IFFO1: variants seen among roughly 807,000 people sequenced by gnomAD.
IFFO1 encodes the protein intermediate filament family orphan 1, also known as non-homologous end joining factor IFFO1.
Under a neutral mutation model 59.6 loss-of-function variants are expected in IFFO1, and 42 were observed. The ratio of observed to expected loss-of-function variants is 0.70; its 90% CI spans 0.55 to 0.91. The LOEUF is 0.91. Ranked by LOEUF, IFFO1 falls within the 40% of genes least tolerant of loss-of-function variation. The pLI is 0.00. For synonymous variants in IFFO1, 336 were observed against 342.8 expected (o/e 0.98, Z 0.22); for missense variants, 711 against 793.2 (o/e 0.90, Z 1.24).
At chr12:6,545,861 C>G (rs1035099847) in intron 8 of IFFO1, among the ~76,000 whole-genome samples, 5 of 152,180 alleles carry the variant, frequency 3.3e-5, no homozygotes, top group Non-Finnish European at 7.3e-5. Context: ...TCAAGGAACC[C>G]TTATTTTTAC....
Position 6,549,754 on chromosome 12 carries a change from A to G in IFFO1, c.1071+2T>C. 1 of 1,612,138 alleles carries G rather than the reference A, an allele frequency of 6.2e-7. No homozygotes were observed. Among genetic ancestry groups the G allele is most frequent in the Non-Finnish European group, 8.5e-7 (1 of 1,178,452 alleles). On this transcript the variant is annotated splice_donor_variant, in intron 4 of 9. Transcript: ENST00000619571. LOFTEE classifies it high-confidence loss of function. This position sits in a 1 kb window ranked among gnomAD's most constrained non-coding sequence, Gnocchi z 5.0. ...GAGAGCAGAGGGCAGCTCCGTCCTC[A>G]CCTGGAACATCTGGATCATGTCCTC...
intron 8 of IFFO1, among the ~76,000 whole-genome samples, chr12:6,542,790 T>C (rs1321625043): frequency 6.6e-6 from 1 of 152,162 alleles, no homozygotes; most frequent in African/African-American, 2.4e-5. Flanking sequence ...CCAGCCCTTG[T>C]TCAGATCAGC....
intron 8 of IFFO1, chr12:6,543,633 T>A (rs2364508): frequency 0.21 from 32,263 of 152,564 alleles, 3,716 homozygotes; most frequent in Admixed American, 0.26. Context: ...GTGAGATGTA[T>A]AATTATTTCA....
Position 6,548,353 on chromosome 12 carries a change from G to A in IFFO1, c.1383+72C>T. On this transcript the variant is annotated intron_variant, in intron 7 of 9. Transcript: ENST00000619571. The surrounding 1 kb of genome is among the most constrained non-coding windows in gnomAD (Gnocchi z 6.1). ...GCCACATGGGGGGACAGAGCAAGGA[G>A]AGGAGCGGGGGAGTGGGCTTCAGGC... 6.5e-7 allele frequency: 1 copy of A among 1,539,750 alleles called. No homozygotes were observed. The highest frequency in any genetic ancestry group is 8.8e-7 in the Non-Finnish European group (1 of 1,132,274).
At chr12:6,552,205 TCTTC>T (rs1247498726) in intron 1 of IFFO1, among the ~76,000 whole-genome samples, 1 of 152,228 alleles carries the variant, frequency 6.6e-6, no homozygotes, top group Admixed American at 6.5e-5. Context: ...CTTCCCTCCA[TCTTC>T]CTTCCTGTGT....
rs750284593 is a variant in IFFO1, at chr12:6,548,789, C to T, written c.1141G>A (p.Ala381Thr). ...AGGGAGGTGTCCTCCTCGACGGCAG[C>T]CTTGCGCTCCCGCTTCCGCCCCCCC... is the stretch of plus-strand genomic sequence containing the variant. ...SMGGRKRERK[A>T]AVEEDTSLSE... Residue 381 changes from alanine (A) to threonine (T), a missense_variant, in exon 6 of 10, where the codon GCT (alanine) becomes ACT (threonine). Physicochemically the swap from Ala to Thr is moderately conservative, Grantham distance 58. Around this residue, in one of 3 missense-constraint regions of IFFO1, gnomAD observed 579 missense variants for 650.3 expected, o/e 0.89. Transcript: ENST00000619571. This position sits in a 1 kb window ranked among gnomAD's most constrained non-coding sequence, Gnocchi z 6.1. The T allele has an allele frequency of 5.6e-6, 9 of 1,613,788 alleles. No homozygotes were observed. The highest frequency in any genetic ancestry group is 1.3e-5 in the African/African-American group (1 of 75,032).
intron 1 of IFFO1, among the ~76,000 whole-genome samples, chr12:6,552,957 AT>A (rs1185951003): frequency 6.6e-6 from 1 of 152,204 alleles, no homozygotes; most frequent in Non-Finnish European, 1.5e-5. Context: ...AAAAAACTGT[AT>A]CCCTGGGTTG....
Position 6,550,742 on chromosome 12 carries a change from C to G in IFFO1, c.883G>C (p.Glu295Gln), listed in dbSNP as rs1304109126. ...ACQEELALKV[E>Q]QLKAELVVFK... ...ACCACCAGCTCAGCCTTCAACTGTT[C>G]CACCTTCAGTGCCAGCTCCTCCTGG... Residue 295 changes from glutamate (E) to glutamine (Q), a missense_variant, in exon 3 of 10, where the codon GAA becomes CAA. By Grantham distance (29) the Glu-to-Gln change is conservative. Coordinates refer to ENST00000619571, the MANE Select transcript of IFFO1 (RefSeq NM_001193457.2). The G allele has an allele frequency of 6.2e-7, 1 of 1,614,222 alleles. No individual in the cohort carries two copies. Among genetic ancestry groups the G allele is most frequent in the Admixed American group, 1.7e-5 (1 of 60,034 alleles).
In IFFO1 at chr12:6,541,321, AT is replaced by A. The variant is rs989864082; in HGVS notation, c.1610+190del. On this transcript the variant is annotated intron_variant, in intron 9 of 9. Transcript: ENST00000619571. The surrounding 1 kb of genome is among the most constrained non-coding windows in gnomAD (Gnocchi z 4.8). ...GGAGGTTTCAGCCCTCCCGTCATGA[AT>A]GGACATAGCTCATCCAACTGCCAAG... Among the ~76,000 whole-genome samples, 2 of 152,072 alleles carry A rather than the reference AT, an allele frequency of 1.3e-5. No individual in the cohort carries two copies. Among genetic ancestry groups the A allele is most frequent in the Non-Finnish European group, 2.9e-5 (2 of 67,980 alleles).
rs1247600094 is a variant in IFFO1 at position 6,541,153 on chromosome 12, T to C, written c.1610+359A>G. On this transcript the variant is annotated intron_variant, in intron 9 of 9. Coordinates refer to ENST00000619571, the MANE Select transcript of IFFO1 (RefSeq NM_001193457.2). The surrounding 1 kb of genome is among the most constrained non-coding windows in gnomAD (Gnocchi z 4.8). ...TTGTGATTTTTAAAAATTCACTTTC[T>C]TGTTGCGGTGTAACTTACACAGGGT... is the stretch of plus-strand genomic sequence containing the variant. Among the ~76,000 whole-genome samples, 1 of 152,234 alleles carries C rather than the reference T, an allele frequency of 6.6e-6. No individual in the cohort carries two copies. The highest frequency in any genetic ancestry group is 2.4e-5 in the African/African-American group (1 of 41,466).
intron 3 of IFFO1, 50 bp downstream of exon 3, chr12:6,550,645 G>A (rs759145020): frequency 7.0e-7 from 1 of 1,429,532 alleles, no homozygotes; most frequent in Non-Finnish European, 9.8e-7. Flanking sequence ...CTACTCTTCT[G>A]GCCTCAGAAG....
rs192768872 is a variant in IFFO1 at position 6,548,578 on chromosome 12, C to T, written c.1263-33G>A. 953 of 1,613,054 alleles carry T rather than the reference C, an allele frequency of 5.9e-4. 2 individuals carry two copies. The highest frequency in any genetic ancestry group is 5.2e-3 in the African/African-American group (392 of 75,030). ...CAGGGAACCCGGGTGTCAGGGCGGG[C>T]GGGGCCTCGTCCTGGCGGGGGACTG... On this transcript the variant is annotated intron_variant, in intron 6 of 9. Transcript: ENST00000619571. The surrounding 1 kb of genome is among the most constrained non-coding windows in gnomAD (Gnocchi z 6.1).
chr12:6,545,218 AAAAT>A (rs535558141), intron 8 of IFFO1, among the ~76,000 whole-genome samples: 5 of 152,014 alleles, frequency 3.3e-5, no homozygotes, highest in Admixed American at 6.5e-5. Flanking sequence ...ACGTCTCAAA[AAAAT>A]AAATAAATAA....
At chr12:6,547,274 G>A (rs544873372) in intron 8 of IFFO1, among the ~76,000 whole-genome samples, 128 of 152,206 alleles carry the variant, frequency 8.4e-4, no homozygotes, top group African/African-American at 2.6e-3. Flanking sequence ...TTAGCCGGGC[G>A]TGGTAGCACA....
rs756674919 is a variant in IFFO1 at position 6,549,765 on chromosome 12, C to G, written c.1062G>C (p.Gln354His). ...GCAGCTCCGTCCTCACCTGGAACAT[C>G]TGGATCATGTCCTCGCAGTTGCGCT... is the stretch of plus-strand genomic sequence containing the variant. ...AQQRNCEDMI[Q>H]MFQKKLSLHL... The change falls in exon 4 of 10, where the codon CAG becomes CAC. Residue 354 changes from glutamine (Q) to histidine (H), a missense_variant. By Grantham distance (24) the Gln-to-His change is conservative. Around this residue, in one of 3 missense-constraint regions of IFFO1, gnomAD observed 579 missense variants for 650.3 expected, o/e 0.89. Transcript: ENST00000619571. This position sits in a 1 kb window ranked among gnomAD's most constrained non-coding sequence, Gnocchi z 5.0. 1.9e-6 allele frequency: 3 copies of G among 1,613,410 alleles called. No homozygotes were observed. The highest frequency in any genetic ancestry group is 2.2e-5 in the South Asian group (2 of 91,044).
chr12:6,543,125 G>A (rs1946792580), intron 8 of IFFO1, among the ~76,000 whole-genome samples: 1 of 152,134 alleles, frequency 6.6e-6, no homozygotes, highest in African/African-American at 2.4e-5. Context: ...CGGTGGGGAA[G>A]AACTGCCTCC....
intron 8 of IFFO1, among the ~76,000 whole-genome samples, chr12:6,546,711 G>A (rs1328306166): frequency 2.0e-5 from 3 of 151,814 alleles, no homozygotes; most frequent in Non-Finnish European, 2.9e-5. Flanking sequence ...GGATGGTCTC[G>A]ATCTCCTGAC....
At position 6,540,551 on chromosome 12, in the gene IFFO1, G is replaced by A. The variant is rs757352375; in HGVS notation, c.1648C>T (p.Pro550Ser). ...TCAGCCTCGCTTGGCGGCGGCGGCG[G>A]GTCGCTAAGCGGGACCGCAGTGAAA... ...PAFTAVPLSD[P>S]PPPPSEAEDS... Residue 550 changes from proline (P) to serine (S), a missense_variant, in exon 10 of 10, where the codon CCG (proline) becomes TCG (serine). Coordinates refer to ENST00000619571, the MANE Select transcript of IFFO1 (RefSeq NM_001193457.2). The A allele has an allele frequency of 6.2e-7, 1 of 1,614,008 alleles. No individual in the cohort carries two copies. Among genetic ancestry groups the A allele is most frequent in the African/African-American group, 1.3e-5 (1 of 75,066 alleles).
chr12:6,542,603 G>T (rs1946767755), intron 8 of IFFO1, among the ~76,000 whole-genome samples: 1 of 152,244 alleles, frequency 6.6e-6, no homozygotes, highest in African/African-American at 2.4e-5. Flanking sequence ...AGGTTACAGG[G>T]CCAGACAGCA....
Sources: allele counts gnomAD v4.1 joint callset (sites outside exome capture counted in the v4.1 genomes callset), GRCh38; gene constraint gnomAD v4.1.1; regional missense constraint gnomAD v4.1.1; non-coding constraint Gnocchi (gnomAD v3.1); transcripts MANE v1.5; gene names NCBI Gene and HGNC (gene_info 2026-07-23, HGNC 2026-07-21).